RAD17: variants seen among roughly 807,000 people sequenced by gnomAD.
The protein encoded by RAD17 is cell cycle checkpoint protein RAD17.
In RAD17, 31 loss-of-function variants were observed where a neutral mutation model predicts 81.5. The observed-to-expected ratio is 0.38, with a 90% CI of 0.29 to 0.51. The LOEUF (loss-of-function observed/expected upper bound fraction) is 0.51. Ranked by LOEUF, RAD17 falls within the 20% of genes least tolerant of loss-of-function variation. The pLI is 0.88. For synonymous variants in RAD17, 261 were observed against 266.2 expected, an observed-to-expected ratio of 0.98 and a Z score of 0.19; for missense variants, 681 against 781.2, an observed-to-expected ratio of 0.87 and a Z score of 1.53.
At chr5:69,398,480 A>G (rs1320114192) in intron 16 of RAD17, among the ~76,000 whole-genome samples, 1 of 152,182 alleles carries the variant, frequency 6.6e-6, no homozygotes, top group African/African-American at 2.4e-5. Context: ...TGAATTGCCA[A>G]TCTTTAAAAA....
At chr5:69,370,087 T>G (rs1340389654) in intron 1 of RAD17, 154 bp downstream of exon 1, 1 of 239,118 alleles carries the variant, frequency 4.2e-6, no homozygotes, top group Non-Finnish European at 8.1e-6. Flanking sequence ...AGCCCTGTCC[T>G]GCAGCGGGGA....
At chr5:69,397,034 A>C (rs1764936156) in intron 16 of RAD17, among the ~76,000 whole-genome samples, 2 of 152,020 alleles carry the variant, frequency 1.3e-5, no homozygotes, top group Non-Finnish European at 2.9e-5. Flanking sequence ...GGGTTTCACC[A>C]TGTTGGCCAG....
In RAD17 at chr5:69,382,004, A is replaced by G. The variant is rs1763889265; in HGVS notation, c.455A>G (p.Asn152Ser). Residue 152 changes from asparagine to serine, a missense_variant, in exon 7 of 19, where the codon AAT becomes AGT. Physicochemically the swap from Asn to Ser is conservative, Grantham distance 46 (BLOSUM62 1). Transcript: ENST00000354868. The part of the protein sequence containing the change: ...EHGIQVQEWI[N>S]PVLPDFQKDD... ...GGTATTCAAGTACAAGAGTGGATTA[A>G]TCCAGTTTTACCAGACTTCCAAAAA... The G allele has an allele frequency of 6.2e-7, 1 of 1,611,460 alleles. No homozygotes were observed. The highest frequency in any genetic ancestry group is 8.5e-7 in the Non-Finnish European group (1 of 1,177,756).
intron 8 of RAD17, among the ~76,000 whole-genome samples, chr5:69,385,193 C>T (rs1156833049): frequency 1.3e-5 from 2 of 151,672 alleles, no homozygotes; most frequent in South Asian, 4.2e-4. Context: ...ATCTCCTGAC[C>T]TCATGATATG....
rs1195396025 is a variant in RAD17 at position 69,414,262 on chromosome 5, A to G, written c.1983A>G (p.Ile661Met). 6.2e-7 allele frequency: 1 copy of G among 1,614,160 alleles called. No homozygotes were observed. Among genetic ancestry groups the G allele is most frequent in the East Asian group, 2.2e-5 (1 of 44,892 alleles). ...AAGGAGACATGGAAGAAAACATAAT[A>G]ATAGAAGACTACGAGAGTGATGGGA... Reference protein sequence around the residue: ...SAQGDMEENIIIEDYESDGT With the variant: ...SAQGDMEENIMIEDYESDGT The change falls in exon 19 of 19, where the codon ATA (isoleucine) becomes ATG (methionine). Residue 661 changes from isoleucine (I) to methionine (M), a missense_variant. Physicochemically the swap from Ile to Met is conservative, Grantham distance 10 (BLOSUM62 1). Transcript: ENST00000354868.
chr5:69,389,054 C>A lies in RAD17; in HGVS notation c.915C>A (p.Val305=). ...EANKNGGKIT[V]PDKTSLELLC... ...TTTAGAATGGAGGAAAAATTACTGT[C>A]CCTGACAAAACTTCTCTAGAGTTGC... Residue 305 remains valine (V), a synonymous_variant, in exon 12 of 19, where the codon GTC becomes GTA. Coordinates refer to ENST00000354868, the MANE Select transcript of RAD17 (RefSeq NM_133338.3). 6.6e-7 allele frequency: 1 copy of A among 1,507,370 alleles called. No homozygotes were observed. Among genetic ancestry groups the A allele is most frequent in the Non-Finnish European group, 8.9e-7 (1 of 1,127,778 alleles). The allele number at this position is 1,507,370 out of a possible 1,614,324, so 93.4% of individuals were successfully genotyped here.
chr5:69,412,178 G>T (rs1049460527), intron 18 of RAD17, among the ~76,000 whole-genome samples: 1 of 151,954 alleles, frequency 6.6e-6, no homozygotes, highest in Non-Finnish European at 1.5e-5. Context: ...GGATGGTCTT[G>T]ATCTCCTGAC....
intron 17 of RAD17, among the ~76,000 whole-genome samples, chr5:69,402,826 G>A (rs928994918): frequency 1.3e-5 from 2 of 151,920 alleles, no homozygotes; most frequent in East Asian, 3.9e-4. Context: ...AACTAGTCTT[G>A]AGTAAATTGC....
In RAD17 at chr5:69,410,600, GA is replaced by G. The variant is rs759475144; in HGVS notation, c.1751+52del. 2.0e-6 allele frequency: 3 copies of G among 1,494,392 alleles called. No individual in the cohort carries two copies. The South Asian group carries it at 3.4e-5, about 17-fold the overall frequency. 92.6% of individuals were successfully genotyped at this position (1,494,392 alleles called of 1,614,324 possible). On this transcript the variant is annotated intron_variant, in intron 18 of 18. Coordinates refer to ENST00000354868, the MANE Select transcript of RAD17 (RefSeq NM_133338.3). ...AAAAGCTGATAATGAAATGTCTACTGAATATGTTCAGTATGAATCAATAACT... is the reference window on the plus strand; with the variant it reads ...AAAAGCTGATAATGAAATGTCTACTGATATGTTCAGTATGAATCAATAACT...
chr5:69,369,386 C>A, upstream of RAD17: 1 of 1,540,446 alleles, frequency 6.5e-7, no homozygotes. Context: ...GGGGCCCCCA[C>A]CTGGGCGCCC....
At chr5:69,385,504 C>G (rs185559299) in intron 8 of RAD17, among the ~76,000 whole-genome samples, 9 of 152,198 alleles carry the variant, frequency 5.9e-5, no homozygotes, top group Non-Finnish European at 1.2e-4. Flanking sequence ...CTCCTGACCT[C>G]AAGGTAATCC....
intron 17 of RAD17, among the ~76,000 whole-genome samples, chr5:69,405,085 T>C (rs1353992478): frequency 6.6e-6 from 1 of 152,206 alleles, no homozygotes; most frequent in East Asian, 1.9e-4. Flanking sequence ...CCAGTTAGAA[T>C]GGCCGTTACC....
chr5:69,391,524 ATATTTTGGAG>A (rs921446504), intron 12 of RAD17, among the ~76,000 whole-genome samples: 12 of 152,170 alleles, frequency 7.9e-5, no homozygotes, highest in African/African-American at 1.4e-4. Flanking sequence ...TGCAAGTTTC[ATATTTTGGAG>A]TATTTTGGAG....
Position 69,391,916 on chromosome 5 carries a change from T to C in RAD17, c.1092T>C (p.Pro364=), listed in dbSNP as rs752804125. The part of the protein sequence containing the change: ...VLSKSKRRKK[P]DRVFENQEVQ... ...CAAAATCAAAACGAAGAAAAAAACC[T>C]GATAGGGTTTTTGAAAATCAAGAGG... The change falls in exon 13 of 19, where the codon CCT becomes CCC. Residue 364 remains proline (P), a synonymous_variant. Transcript: ENST00000354868. 1 of 1,596,088 alleles carries C rather than the reference T, an allele frequency of 6.3e-7. No individual in the cohort carries two copies. The highest frequency in any genetic ancestry group is 8.5e-7 in the Non-Finnish European group (1 of 1,174,168).
chr5:69,407,580 T>TTTG, intron 17 of RAD17, among the ~76,000 whole-genome samples: 2 of 132,152 alleles, frequency 1.5e-5, no homozygotes, highest in Admixed American at 8.2e-5. Flanking sequence ...TTTTTTTTTT[T>TTTG]TTTTTTTTTT....
chr5:69,385,968 C>CAATA, intron 8 of RAD17, 75 bp from the exon 9 acceptor site: 4 of 1,329,222 alleles, frequency 3.0e-6, no homozygotes, highest in Non-Finnish European at 4.0e-6. Context: ...TTGCCTACCT[C>CAATA]AATAAATATA....
At chr5:69,385,531 C>T (rs1229773766) in intron 8 of RAD17, among the ~76,000 whole-genome samples, 3 of 151,670 alleles carry the variant, frequency 2.0e-5, no homozygotes, top group Admixed American at 6.6e-5. Flanking sequence ...CTTGGCCTCC[C>T]GAGTGCTGGG....
rs778303444 is a variant in RAD17, at chr5:69,414,134, G to A, written c.1855G>A (p.Gly619Ser). Residue 619 changes from glycine to serine, a missense_variant, in exon 19 of 19, where the codon GGT becomes AGT. Physicochemically the swap from Gly to Ser is moderately conservative, Grantham distance 56 (BLOSUM62 0). Transcript: ENST00000354868. Reference sequence around the variant, plus strand: ...AGGACATTCTGCAGAGGAATCTCTGGGTGAACCCACTCAAGCCACTGTGCC... The same window carrying A: ...AGGACATTCTGCAGAGGAATCTCTGAGTGAACCCACTCAAGCCACTGTGCC... ...NGGHSAEESL[G>S]EPTQATVPET... 6.2e-7 allele frequency: 1 copy of A among 1,614,198 alleles called. No individual in the cohort carries two copies.
At chr5:69,401,080 C>T (rs1025099405) in intron 17 of RAD17, among the ~76,000 whole-genome samples, 25 of 148,922 alleles carry the variant, frequency 1.7e-4, no homozygotes, top group Admixed American at 1.4e-3. Flanking sequence ...CGTGGTGGCA[C>T]GCGTCTGTAA....
Sources: allele counts gnomAD v4.1 joint callset (sites outside exome capture counted in the v4.1 genomes callset), GRCh38; gene constraint gnomAD v4.1.1; transcripts MANE v1.5; gene names NCBI Gene and HGNC (gene_info 2026-07-23, HGNC 2026-07-21).